PTPRM: variants seen among roughly 807,000 people sequenced by gnomAD.
PTPRM encodes receptor-type tyrosine-protein phosphatase mu.
PTPRM carries 47 observed loss-of-function variants against 186.7 expected under a neutral mutation model. That is an observed-to-expected ratio of 0.25 (90% confidence interval 0.20 to 0.32). The LOEUF is 0.32. PTPRM is among the 10% of genes least tolerant of loss of function. PTPRM has a pLI of 1.00. For synonymous variants in PTPRM, 668 were observed against 674.9 expected (o/e 0.99, Z 0.16); for missense variants, 1,494 against 1,865.0 (o/e 0.80, Z 3.66).
At chr18:7,688,240 A>G (rs1241536835) in intron 1 of PTPRM, among the ~76,000 whole-genome samples, 1 of 152,118 alleles carries the variant, frequency 6.6e-6, no homozygotes, top group Non-Finnish European at 1.5e-5. Flanking sequence ...TGTGGCGGAA[A>G]TGGGGAGCAG....
chr18:7,922,201 T>G (rs561524994), intron 4 of PTPRM, among the ~76,000 whole-genome samples: 1 of 152,188 alleles, frequency 6.6e-6, no homozygotes, highest in African/African-American at 2.4e-5. Flanking sequence ...ATACCAGTAG[T>G]GTGGGAAGGC....
chr18:8,072,056 T>C (rs2089512956), intron 8 of PTPRM, among the ~76,000 whole-genome samples: 1 of 152,236 alleles, frequency 6.6e-6, no homozygotes, highest in South Asian at 2.1e-4. Flanking sequence ...TATTTGTATG[T>C]ATTTTTTTCT....
At position 7,776,298 on chromosome 18, in the gene PTPRM, C is replaced by T. The variant is rs977015761; in HGVS notation, c.196+2027C>T. 2.0e-5 allele frequency among the ~76,000 whole-genome samples: 3 copies of T among 152,112 alleles called. No homozygotes were observed. The South Asian group carries it at 6.2e-4, about 32-fold the overall frequency. ...ACAGAAGGTGTGTTTTGGACCCTCA[C>T]CCCCAAACAGATTGCAACTCATTGT... On this transcript the variant is annotated intron_variant, in intron 2 of 32. Transcript: ENST00000580170.
At chr18:7,803,186 A>T (rs2044063710) in intron 2 of PTPRM, among the ~76,000 whole-genome samples, 1 of 152,236 alleles carries the variant, frequency 6.6e-6, no homozygotes, top group Non-Finnish European at 1.5e-5. Context: ...AAAACTTCTT[A>T]TCTTACTGTT....
chr18:8,063,467 T>C (rs1007987665), intron 7 of PTPRM, among the ~76,000 whole-genome samples: 1 of 152,182 alleles, frequency 6.6e-6, no homozygotes, highest in African/African-American at 2.4e-5. Context: ...CCATCTTCCA[T>C]TGTGACACTT....
At chr18:8,229,682 G>A (rs2094260668) in intron 14 of PTPRM, among the ~76,000 whole-genome samples, 1 of 152,166 alleles carries the variant, frequency 6.6e-6, no homozygotes. Flanking sequence ...ATAGATACAT[G>A]TAATTTCAAC....
At chr18:7,842,166 T>G (rs1473145786) in intron 2 of PTPRM, among the ~76,000 whole-genome samples, 3 of 152,180 alleles carry the variant, frequency 2.0e-5, no homozygotes, top group Non-Finnish European at 2.9e-5. Flanking sequence ...AATATGAGGC[T>G]AAATGAACCT....
chr18:7,701,757 A>T (rs1598399437), intron 1 of PTPRM, among the ~76,000 whole-genome samples: 1 of 152,094 alleles, frequency 6.6e-6, no homozygotes, highest in Non-Finnish European at 1.5e-5. Context: ...TGTGCAGAAC[A>T]TGCAGGTTTG....
intron 1 of PTPRM, among the ~76,000 whole-genome samples, chr18:7,704,554 C>T (rs1216251502): frequency 6.6e-6 from 1 of 152,098 alleles, no homozygotes; most frequent in East Asian, 1.9e-4. Context: ...CTATTTGATT[C>T]TTCTTTCTTC....
intron 7 of PTPRM, chr18:8,049,429 AG>A (rs1369000920): frequency 1.7e-4 from 26 of 152,368 alleles, no homozygotes; most frequent in African/African-American, 6.0e-4. Flanking sequence ...CACAGAAAAT[AG>A]GTAAATACTG....
At chr18:8,179,558 C>T (rs2093543291) in intron 14 of PTPRM, among the ~76,000 whole-genome samples, 1 of 151,848 alleles carries the variant, frequency 6.6e-6, no homozygotes, top group African/African-American at 2.4e-5. Flanking sequence ...CAACCTCCGC[C>T]TCCCAGGTTC....
chr18:8,243,933 C>T lies in PTPRM; in HGVS notation c.2301-125C>T, dbSNP rs144555989. On this transcript the variant is annotated intron_variant, in intron 14 of 32. Coordinates refer to ENST00000580170, the MANE Select transcript of PTPRM (RefSeq NM_001105244.2). The stretch of plus-strand genomic sequence containing the variant: ...TGCTTGCCACAAATAAGGCACTATA[C>T]ATCCATCTCTGAATGAATAGGATTA... 3.6e-5 allele frequency: 34 copies of T among 936,144 alleles called. No homozygotes were observed. In the African/African-American group the frequency reaches 4.4e-4, roughly 12 times the overall value. The allele number at this position is 936,144 out of a possible 1,614,324, so 58.0% of individuals were successfully genotyped here.
intron 14 of PTPRM, among the ~76,000 whole-genome samples, chr18:8,150,561 G>A (rs2092982847): frequency 6.6e-6 from 1 of 151,992 alleles, no homozygotes; most frequent in African/African-American, 2.4e-5. Flanking sequence ...CTTTTCTCAA[G>A]GTTCTTAGCT....
At chr18:8,279,294 T>C (rs1339991095) in intron 19 of PTPRM, among the ~76,000 whole-genome samples, 2 of 152,166 alleles carry the variant, frequency 1.3e-5, no homozygotes, top group Non-Finnish European at 2.9e-5. Flanking sequence ...AAACGGCATC[T>C]GTGCAAGACT....
rs149271224 is a variant in PTPRM at position 8,095,613 on chromosome 18, C to T, written c.1856+6762C>T. 4.4e-3 allele frequency among the ~76,000 whole-genome samples: 670 copies of T among 152,040 alleles called. 2 individuals carry two copies. The highest frequency in any genetic ancestry group is 0.016 in the African/African-American group (645 of 41,472). On this transcript the variant is annotated intron_variant, in intron 11 of 32. Transcript: ENST00000580170. ...AATGGAGGATGGGTTAGAGGGCGTG[C>T]GGCCTCAGAACAAACTAATAGGAGC...
chr18:7,842,930 G>GTGTATATATA (rs377182615), intron 2 of PTPRM, among the ~76,000 whole-genome samples: 19 of 100,934 alleles, frequency 1.9e-4, no homozygotes, highest in African/African-American at 3.0e-4. Context: ...GTGTGTGTGT[G>GTGTATATATA]TATATATATA....
intron 7 of PTPRM, among the ~76,000 whole-genome samples, chr18:7,960,579 C>T (rs1419393218): frequency 6.6e-6 from 1 of 151,110 alleles, no homozygotes; most frequent in African/African-American, 2.4e-5. Context: ...AGCAAGACTC[C>T]ATTGCTACAA....
At chr18:7,675,083 C>A (rs940140682) in intron 1 of PTPRM, among the ~76,000 whole-genome samples, 1 of 152,170 alleles carries the variant, frequency 6.6e-6, no homozygotes, top group Non-Finnish European at 1.5e-5. Context: ...CAAGCTGTAT[C>A]TTGAAATACA....
At chr18:7,933,354 G>C (rs751348104) in intron 5 of PTPRM, among the ~76,000 whole-genome samples, 1 of 152,200 alleles carries the variant, frequency 6.6e-6, no homozygotes, top group South Asian at 2.1e-4. Context: ...ACTTCAAATT[G>C]TGAAGAAGGA....
Sources: allele counts gnomAD v4.1 joint callset (sites outside exome capture counted in the v4.1 genomes callset), GRCh38; gene constraint gnomAD v4.1.1; transcripts MANE v1.5; gene names NCBI Gene and HGNC (gene_info 2026-07-23, HGNC 2026-07-21).